Variants in GLI2 observed in about 807,000 individuals in gnomAD.
GLI2 encodes GLI family zinc finger 2.
A neutral mutation model predicts 78.9 loss-of-function variants in GLI2; 22 were observed. The ratio of observed to expected loss-of-function variants is 0.28; its 90% confidence interval spans 0.20 to 0.40. The LOEUF (loss-of-function observed/expected upper bound fraction) is 0.40. Among genes scored for constraint, GLI2 ranks in the 10% least tolerant of loss-of-function variants. The pLI is 1.00. For synonymous variants in GLI2, 974 were observed against 963.7 expected, an observed-to-expected ratio of 1.01 and a Z score of -0.20; for missense variants, 2,097 against 2,213.2, an observed-to-expected ratio of 0.95 and a Z score of 1.05.
chr2:120,753,754 C>T lies in GLI2; in HGVS notation c.-31+17469C>T, dbSNP rs930109769. ...TCTACTAAAAATACAAAAAATTAGC[C>T]GGGCGAGGTGGCGGGCGCCTGCAGT... On this transcript the variant is annotated intron_variant, in intron 1 of 13. Coordinates refer to ENST00000361492, the MANE Select transcript of GLI2 (RefSeq NM_001374353.1). 2.0e-5 allele frequency among the ~76,000 whole-genome samples: 3 copies of T among 151,786 alleles called. 1 individual carries two copies. The highest frequency in any genetic ancestry group is 6.3e-3 in the Middle Eastern group (2 of 316).
At chr2:120,902,306 A>T (rs797020783) in intron 2 of GLI2, among the ~76,000 whole-genome samples, 3 of 151,496 alleles carry the variant, frequency 2.0e-5, no homozygotes, top group Admixed American at 6.6e-5. Flanking sequence ...GGGAAAACAC[A>T]CAATAATAAG....
chr2:120,762,056 G>A (rs1481962386), intron 1 of GLI2, among the ~76,000 whole-genome samples: 1 of 152,228 alleles, frequency 6.6e-6, no homozygotes, highest in African/African-American at 2.4e-5. Context: ...CACGGAGCCG[G>A]GCAGTTCTGG....
At chr2:120,779,568 T>C (rs201522241) in intron 1 of GLI2, among the ~76,000 whole-genome samples, 7 of 152,184 alleles carry the variant, frequency 4.6e-5, no homozygotes, top group Non-Finnish European at 8.8e-5. Flanking sequence ...GAGGGTTTGG[T>C]CCTAATCCCT....
At chr2:120,922,549 C>T (rs1163981665) in intron 2 of GLI2, among the ~76,000 whole-genome samples, 3 of 152,150 alleles carry the variant, frequency 2.0e-5, no homozygotes, top group Non-Finnish European at 4.4e-5. Context: ...CACCCTGAGC[C>T]TTGATGTTCT....
intron 2 of GLI2, among the ~76,000 whole-genome samples, chr2:120,909,244 C>G (rs915791040): frequency 1.3e-5 from 2 of 152,068 alleles, no homozygotes; most frequent in Admixed American, 6.5e-5. Flanking sequence ...GGAGGTGCCT[C>G]CCACCTGGTG....
chr2:120,957,060 C>T (rs1409820544), intron 5 of GLI2, among the ~76,000 whole-genome samples: 1 of 152,206 alleles, frequency 6.6e-6, no homozygotes, highest in African/African-American at 2.4e-5. Context: ...ACAGCAACCA[C>T]CTCACATTGC....
chr2:120,775,611 A>G (rs972129826), intron 1 of GLI2, among the ~76,000 whole-genome samples: 8 of 152,120 alleles, frequency 5.3e-5, no homozygotes, highest in South Asian at 2.1e-4. Flanking sequence ...TACCCCCCAG[A>G]GTAATTAAGA....
At chr2:120,865,104 T>A (rs1017141005) in intron 2 of GLI2, among the ~76,000 whole-genome samples, 3 of 152,084 alleles carry the variant, frequency 2.0e-5, no homozygotes, top group Non-Finnish European at 4.4e-5. Flanking sequence ...ATCACTTCCA[T>A]CTATGGGTAG....
At chr2:120,837,599 GC>G (rs1686679744) in intron 2 of GLI2, among the ~76,000 whole-genome samples, 1 of 152,124 alleles carries the variant, frequency 6.6e-6, no homozygotes, top group African/African-American at 2.4e-5. Context: ...AGGTCATACG[GC>G]TATTCTCCTA....
At chr2:120,932,703 C>T (rs531860069) in intron 3 of GLI2, among the ~76,000 whole-genome samples, 8 of 152,296 alleles carry the variant, frequency 5.3e-5, no homozygotes, top group Admixed American at 2.6e-4. Flanking sequence ...GTGAGTAAAG[C>T]GTCTAGAACA....
intron 1 of GLI2, among the ~76,000 whole-genome samples, chr2:120,796,917 A>AGGG (rs1684423703): frequency 1.3e-5 from 2 of 152,004 alleles, no homozygotes; most frequent in South Asian, 4.2e-4. Flanking sequence ...TTCTTTGAGG[A>AGGG]CCTCTAGGTC....
At chr2:120,880,937 A>G (rs761966163) in intron 2 of GLI2, among the ~76,000 whole-genome samples, 5 of 152,124 alleles carry the variant, frequency 3.3e-5, no homozygotes, top group Admixed American at 6.5e-5. Context: ...CCCACCAGGG[A>G]GCAAAATGTG....
chr2:120,769,857 G>A (rs1214432220), intron 1 of GLI2, among the ~76,000 whole-genome samples: 4 of 152,264 alleles, frequency 2.6e-5, no homozygotes, highest in African/African-American at 4.8e-5. Flanking sequence ...TTAAGTGTGT[G>A]GAAGTTTGGG....
At chr2:120,914,587 A>G (rs72955367) in intron 2 of GLI2, among the ~76,000 whole-genome samples, 6,339 of 152,274 alleles carry the variant, frequency 0.042, 179 homozygotes, top group African/African-American at 0.086. Flanking sequence ...ACCCAGACAG[A>G]CAGGCAGCCC....
At chr2:120,745,466 G>C (rs1328786007) in intron 1 of GLI2, among the ~76,000 whole-genome samples, 4 of 152,200 alleles carry the variant, frequency 2.6e-5, no homozygotes, top group Non-Finnish European at 5.9e-5. Flanking sequence ...AGAGGATGCT[G>C]TGTGGTGGCG....
intron 10 of GLI2, among the ~76,000 whole-genome samples, chr2:120,981,921 A>G (rs1009191588): frequency 2.0e-5 from 3 of 152,232 alleles, no homozygotes; most frequent in Non-Finnish European, 4.4e-5. Flanking sequence ...TGAACAAGAC[A>G]GAAGATTCCT....
intron 2 of GLI2, among the ~76,000 whole-genome samples, chr2:120,896,437 C>T (rs112855846): frequency 1.1e-4 from 17 of 152,242 alleles, no homozygotes; most frequent in African/African-American, 4.1e-4. Flanking sequence ...GAGTATTAGC[C>T]AGGCCCACCA....
intron 3 of GLI2, among the ~76,000 whole-genome samples, chr2:120,950,757 T>C (rs1680940300): frequency 6.6e-6 from 1 of 152,254 alleles, no homozygotes; most frequent in Non-Finnish European, 1.5e-5. Context: ...AACTCTCCAC[T>C]TGCAGGACAT....
chr2:120,958,112 C>T (rs1207535180), intron 5 of GLI2, among the ~76,000 whole-genome samples: 2 of 152,134 alleles, frequency 1.3e-5, no homozygotes, highest in East Asian at 1.9e-4. Context: ...CCTGGCTGCA[C>T]GGTGTCCTCC....
Sources: allele counts gnomAD v4.1 joint callset (sites outside exome capture counted in the v4.1 genomes callset), GRCh38; gene constraint gnomAD v4.1.1; transcripts MANE v1.5; gene names NCBI Gene and HGNC (gene_info 2026-07-23, HGNC 2026-07-21).